Variants in ACTL6B observed in about 807,000 individuals in gnomAD.
ACTL6B encodes actin like 6B, also known as actin-like protein 6B.
A neutral mutation model predicts 63.3 loss-of-function variants in ACTL6B; 48 were observed. That is an observed-to-expected ratio of 0.76 (90% CI 0.60 to 0.96). ACTL6B has a LOEUF of 0.96. ACTL6B is among the 50% of genes least tolerant of loss of function. ACTL6B has a pLI of 0.00. For missense variants in ACTL6B, 350 were observed against 572.2 expected (o/e 0.61, Z 3.96); for synonymous variants, 230 against 223.8 (o/e 1.03, Z -0.25).
intron 13 of ACTL6B, among the ~76,000 whole-genome samples, chr7:100,644,611 T>A (rs1057320709): frequency 6.6e-6 from 1 of 152,086 alleles, no homozygotes. Flanking sequence ...CATTGCCAGT[T>A]GCTTTTTAAA....
At position 100,648,453 on chromosome 7, in the gene ACTL6B, G is replaced by T. The variant is rs550033337; in HGVS notation, c.669+103C>A. On this transcript the variant is annotated intron_variant, in intron 7 of 13. Transcript: ENST00000160382. The surrounding 1 kb of genome is among the most constrained non-coding windows in gnomAD (Gnocchi z 4.4). ...AACTGGAGCCAGGACCCACTGGGGA[G>T]CCTGCTGCTCTCTGCTCTGATATCT... The T allele has an allele frequency of 1.7e-3, 1,790 of 1,025,558 alleles. 3 individuals carry two copies. Among genetic ancestry groups the T allele is most frequent in the Non-Finnish European group, 1.7e-3 (1,192 of 721,714 alleles). 63.5% of individuals were successfully genotyped at this position (1,025,558 alleles called of 1,614,324 possible). A position where few individuals can be genotyped will look rare whatever the true frequency, so the allele number is the denominator to read the frequency against.
rs753956903 is a variant in ACTL6B at position 100,655,139 on chromosome 7, G to A, written c.269-20C>T. On this transcript the variant is annotated intron_variant, in intron 3 of 13. Transcript: ENST00000160382. This position sits in a 1 kb window ranked among gnomAD's most constrained non-coding sequence, Gnocchi z 4.4. ...CCTCGACTGGGGCCAGAAGAGCAGC[G>A]TGCAGAGACGCAAGAAGGCAGGCAG... 6 of 1,595,686 alleles carry A rather than the reference G, an allele frequency of 3.8e-6. No homozygotes were observed. The highest frequency in any genetic ancestry group is 1.7e-5 in the Admixed American group (1 of 59,918).
Position 100,655,510 on chromosome 7 carries a change from TTC to T in ACTL6B, c.177_178del (p.Lys60GlufsTer51). ...GTCGATGTGGAAGATCTTCCCTTTC[TTC>T]TCTTTGTCCCCCTCCAGCTCCAGCC... On this transcript the variant is annotated frameshift_variant, in exon 3 of 14. Coordinates refer to ENST00000160382, the MANE Select transcript of ACTL6B (RefSeq NM_016188.5). LOFTEE classifies it high-confidence loss of function. This position sits in a 1 kb window ranked among gnomAD's most constrained non-coding sequence, Gnocchi z 4.4. The T allele has an allele frequency of 6.2e-7, 1 of 1,614,104 alleles. No individual in the cohort carries two copies. Among genetic ancestry groups the T allele is most frequent in the East Asian group, 2.2e-5 (1 of 44,860 alleles).
intron 4 of ACTL6B, among the ~76,000 whole-genome samples, chr7:100,650,498 CAT>C (rs1183503935): frequency 2.6e-5 from 4 of 152,204 alleles, no homozygotes; most frequent in Admixed American, 6.6e-5. Flanking sequence ...CACACACACA[CAT>C]ACACATATAT....
In ACTL6B at chr7:100,655,760, G is replaced by A. The variant is rs773514501; in HGVS notation, c.102+43C>T. On this transcript the variant is annotated intron_variant, in intron 2 of 13. Transcript: ENST00000160382. The surrounding 1 kb of genome is among the most constrained non-coding windows in gnomAD (Gnocchi z 4.4). ...GGGTCACTGGAAAGCCTGAAGAAGG[G>A]TCCGAAGCCCCTAGGATTTGGAGAG... 7.8e-6 allele frequency: 12 copies of A among 1,546,198 alleles called. No homozygotes were observed. Among genetic ancestry groups the A allele is most frequent in the Middle Eastern group, 3.4e-4 (2 of 5,964 alleles).
chr7:100,656,301 C>T, intron 1 of ACTL6B, 29 bp downstream of exon 1: 12 of 1,375,182 alleles, frequency 8.7e-6, no homozygotes, highest in Admixed American at 3.2e-5. Context: ...CGCAGGGCTG[C>T]GGGAGCCGGG....
At chr7:100,653,005 A>C (rs1449123799) in intron 4 of ACTL6B, among the ~76,000 whole-genome samples, 1 of 54,784 alleles carries the variant, frequency 1.8e-5, no homozygotes, top group Non-Finnish European at 4.5e-5. Flanking sequence ...GTCTCAAAAA[A>C]AAAAAAAAAA....
At chr7:100,654,283 A>G (rs1349360490) in intron 4 of ACTL6B, among the ~76,000 whole-genome samples, 2 of 151,528 alleles carry the variant, frequency 1.3e-5, no homozygotes, top group African/African-American at 2.4e-5. Context: ...AAAATTTTTA[A>G]TTTTTATTGT....
Position 100,648,308 on chromosome 7 carries a change from T to G in ACTL6B, c.669+248A>C. The G allele has an allele frequency of 2.7e-6, 1 of 375,856 alleles. No individual in the cohort carries two copies. Among genetic ancestry groups the G allele is most frequent in the South Asian group, 4.4e-5 (1 of 22,700 alleles). The allele number at this position is 375,856 out of a possible 1,614,324, so 23.3% of individuals were successfully genotyped here. A position where few individuals can be genotyped will look rare whatever the true frequency, so the allele number is the denominator to read the frequency against. ...GGCAGAACTTGAACCTGGGTCTATA[T>G]TGGACCCTAGAACCCACCACACTGG... On this transcript the variant is annotated intron_variant, in intron 7 of 13. Coordinates refer to ENST00000160382, the MANE Select transcript of ACTL6B (RefSeq NM_016188.5). This position sits in a 1 kb window ranked among gnomAD's most constrained non-coding sequence, Gnocchi z 4.4.
chr7:100,653,548 A>G (rs1397991909), intron 4 of ACTL6B, among the ~76,000 whole-genome samples: 1 of 152,028 alleles, frequency 6.6e-6, no homozygotes, highest in African/African-American at 2.4e-5. Context: ...TACTCTGGAG[A>G]CTGAAATGAG....
chr7:100,647,232 T>C lies in ACTL6B; in HGVS notation c.812A>G (p.Tyr271Cys). 6.2e-7 allele frequency: 1 copy of C among 1,608,736 alleles called. No homozygotes were observed. The highest frequency in any genetic ancestry group is 8.5e-7 in the Non-Finnish European group (1 of 1,177,750). The change falls in exon 9 of 14, where the codon TAC becomes TGC. Residue 271 changes from tyrosine (Y) to cysteine (C), a missense_variant. Tyr to Cys is a radical substitution (Grantham distance 194). Coordinates refer to ENST00000160382, the MANE Select transcript of ACTL6B (RefSeq NM_016188.5). The surrounding 1 kb of genome is among the most constrained non-coding windows in gnomAD (Gnocchi z 4.4). ...CCTGAGCCACACTCACTGTTCATCGTAGGGGGAGTCTGAGACCTGCAGCAC... is the reference window on the plus strand; with the variant it reads ...CCTGAGCCACACTCACTGTTCATCGCAGGGGGAGTCTGAGACCTGCAGCAC... ...ASVLQVSDSP[Y>C]DEQVAAQMPT... is the part of the protein sequence containing the mutation.
intron 13 of ACTL6B, among the ~76,000 whole-genome samples, chr7:100,645,052 G>A (rs772274406): frequency 3.3e-5 from 5 of 151,856 alleles, no homozygotes; most frequent in Non-Finnish European, 7.4e-5. Flanking sequence ...AGACTGTCTC[G>A]AAAACAAAAA....
intron 4 of ACTL6B, among the ~76,000 whole-genome samples, chr7:100,651,620 G>A (rs536807407): frequency 6.6e-6 from 1 of 151,272 alleles, no homozygotes; most frequent in East Asian, 1.9e-4. Flanking sequence ...GTCTCACTCT[G>A]TCGCCCAGGC....
Position 100,655,557 on chromosome 7 carries a change from C to A in ACTL6B, c.132G>T (p.Leu44=), listed in dbSNP as rs150481971. The A allele has an allele frequency of 4.5e-4, 724 of 1,613,616 alleles. 5 individuals carry two copies. In the East Asian group the frequency reaches 0.013, roughly 28 times the overall value. The change falls in exon 3 of 14, where the codon CTG becomes CTT. Residue 44 remains leucine (L), a synonymous_variant. Transcript: ENST00000160382. The surrounding 1 kb of genome is among the most constrained non-coding windows in gnomAD (Gnocchi z 4.4). ...CCAGCCCGCCCCCCTCCTCCGCGGC[C>A]AGCAGCCCCACTGTGGTGGGGAAGT... is the stretch of plus-strand genomic sequence containing the variant. ...KADFPTTVGL[L]AAEEGGGLEL... is the part of the protein sequence containing the mutation.
Position 100,655,405 on chromosome 7 carries a change from G to T in ACTL6B, c.268+16C>A, listed in dbSNP as rs372122664. 2.2e-5 allele frequency: 36 copies of T among 1,611,920 alleles called. No individual in the cohort carries two copies. Among genetic ancestry groups the T allele is most frequent in the Non-Finnish European group, 2.9e-5 (34 of 1,178,920 alleles). On this transcript the variant is annotated intron_variant, in intron 3 of 13. Transcript: ENST00000160382. The surrounding 1 kb of genome is among the most constrained non-coding windows in gnomAD (Gnocchi z 4.4). Reference sequence around the variant, plus strand: ...GCTCCTTTTCTGTCAGGAGGTGATGGGTGGGGGCCCCTTACTCATGCCATT... The same window carrying T: ...GCTCCTTTTCTGTCAGGAGGTGATGTGTGGGGGCCCCTTACTCATGCCATT...
intron 4 of ACTL6B, among the ~76,000 whole-genome samples, chr7:100,654,653 G>T (rs1364997281): frequency 6.6e-6 from 1 of 151,556 alleles, no homozygotes; most frequent in Non-Finnish European, 1.5e-5. Flanking sequence ...GTGGTGGCGG[G>T]TGCCTGTAAT....
chr7:100,648,900 T>A lies in ACTL6B; in HGVS notation c.468-77A>T. On this transcript the variant is annotated intron_variant, in intron 5 of 13. Transcript: ENST00000160382. The surrounding 1 kb of genome is among the most constrained non-coding windows in gnomAD (Gnocchi z 4.4). ...GGGCCCAGATCTTGTCTGGTCACTC[T>A]CTGCTCTACCGGGGTCCAGCCCATC... The A allele has an allele frequency of 7.0e-7, 1 of 1,429,210 alleles. No individual in the cohort carries two copies. The highest frequency in any genetic ancestry group is 9.5e-7 in the Non-Finnish European group (1 of 1,055,410). The allele number at this position is 1,429,210 out of a possible 1,614,324, so 88.5% of individuals were successfully genotyped here.
rs1272471555 is a variant in ACTL6B, at chr7:100,648,909, C to G, written c.468-86G>C. 1.5e-6 allele frequency: 2 copies of G among 1,364,724 alleles called. No homozygotes were observed. Among genetic ancestry groups the G allele is most frequent in the African/African-American group, 1.4e-5 (1 of 69,282 alleles). The allele number at this position is 1,364,724 out of a possible 1,614,324, so 84.5% of individuals were successfully genotyped here. A position where few individuals can be genotyped will look rare whatever the true frequency, so the allele number is the denominator to read the frequency against. ...TCTTGTCTGGTCACTCTCTGCTCTACCGGGGTCCAGCCCATCCCCAGTCTG... is the reference window on the plus strand; with the variant it reads ...TCTTGTCTGGTCACTCTCTGCTCTAGCGGGGTCCAGCCCATCCCCAGTCTG... On this transcript the variant is annotated intron_variant, in intron 5 of 13. Transcript: ENST00000160382. This position sits in a 1 kb window ranked among gnomAD's most constrained non-coding sequence, Gnocchi z 4.4.
intron 4 of ACTL6B, among the ~76,000 whole-genome samples, chr7:100,653,687 A>G (rs1292318384): frequency 2.0e-5 from 3 of 151,570 alleles, no homozygotes; most frequent in Non-Finnish European, 4.4e-5. Flanking sequence ...CAAAACCCCA[A>G]ACAACAACAA....
Sources: gnomAD v4.1 joint callset for allele counts (sites outside exome capture counted in the v4.1 genomes callset) on GRCh38, gnomAD v4.1.1 for gene constraint, Gnocchi (gnomAD v3.1) non-coding constraint, MANE v1.5 for transcripts, NCBI Gene and HGNC (gene_info 2026-07-23, HGNC 2026-07-21) for gene names.